The following SLC35F4 variants were observed in gnomAD, a reference collection of about 807,000 sequenced individuals.
SLC35F4 encodes chromosome 14 open reading frame 36.
Under a neutral mutation model 44.2 loss-of-function variants are expected in SLC35F4, and 24 were observed. The ratio of observed to expected loss-of-function variants is 0.54; its 90% CI spans 0.39 to 0.76. The LOEUF is 0.76. Ranked by LOEUF, SLC35F4 falls within the 30% of genes least tolerant of loss-of-function variation. SLC35F4 has a pLI of 0.00. For synonymous variants in SLC35F4, 238 were observed against 223.6 expected (o/e 1.06, Z -0.57); for missense variants, 562 against 586.1 (o/e 0.96, Z 0.42).
chr14:57,581,470 A>C, intron 3 of SLC35F4, 37 bp from the exon 4 acceptor site: 1 of 1,549,938 alleles, frequency 6.5e-7, no homozygotes, highest in East Asian at 2.3e-5. Flanking sequence ...CCAGGTACTG[A>C]TGGTGACACC....
intron 1 of SLC35F4, among the ~76,000 whole-genome samples, chr14:57,840,070 T>C (rs1395098871): frequency 6.6e-6 from 1 of 152,232 alleles, no homozygotes; most frequent in Non-Finnish European, 1.5e-5. Flanking sequence ...CCGTGCTTAA[T>C]GTTTTTTACA....
At chr14:57,667,463 T>G (rs1048656909) in intron 1 of SLC35F4, among the ~76,000 whole-genome samples, 27 of 150,944 alleles carry the variant, frequency 1.8e-4, no homozygotes, top group African/African-American at 5.6e-4. Flanking sequence ...TAGGTATATC[T>G]CCTAATGCTA....
intron 1 of SLC35F4, among the ~76,000 whole-genome samples, chr14:57,897,434 C>G (rs1888896049): frequency 6.6e-6 from 1 of 151,888 alleles, no homozygotes; most frequent in Non-Finnish European, 1.5e-5. Flanking sequence ...GGCAAGTACA[C>G]AAACCATCCT....
At chr14:57,670,902 C>CTTTTTTT (rs35951590) in intron 1 of SLC35F4, among the ~76,000 whole-genome samples, 18 of 107,338 alleles carry the variant, frequency 1.7e-4, no homozygotes, top group African/African-American at 2.5e-4. Context: ...CTCATTCATT[C>CTTTTTTT]TTTTTTTTTT....
At chr14:57,870,677 A>G (rs556973917), upstream of SLC35F4, among the ~76,000 whole-genome samples, 8 of 152,318 alleles carry the variant, frequency 5.3e-5, no homozygotes, top group African/African-American at 1.9e-4. Context: ...ACATATTAAA[A>G]TATTTTACGA....
chr14:57,640,817 T>C (rs2073196145), intron 1 of SLC35F4, among the ~76,000 whole-genome samples: 1 of 151,990 alleles, frequency 6.6e-6, no homozygotes, highest in South Asian at 2.1e-4. Context: ...AGAAAGCCAC[T>C]TGAGATGAGA....
intron 1 of SLC35F4, among the ~76,000 whole-genome samples, chr14:57,768,672 T>A (rs552044615): frequency 1.3e-5 from 2 of 152,178 alleles, no homozygotes; most frequent in Non-Finnish European, 2.9e-5. Flanking sequence ...AAATTATATA[T>A]GGAATGACAG....
At chr14:57,981,549 G>A (rs777272770) in intron 1 of SLC35F4, among the ~76,000 whole-genome samples, 3 of 152,092 alleles carry the variant, frequency 2.0e-5, no homozygotes, top group Non-Finnish European at 2.9e-5. Context: ...TCAAAATAAT[G>A]AAGTGGGATA....
intron 1 of SLC35F4, among the ~76,000 whole-genome samples, chr14:57,841,303 G>A (rs774397751): frequency 5.3e-5 from 8 of 152,136 alleles, no homozygotes; most frequent in Non-Finnish European, 1.2e-4. Flanking sequence ...GTAGAGACCA[G>A]GCAAAAGGGG....
chr14:57,927,371 C>A (rs1889598402), intron 1 of SLC35F4, among the ~76,000 whole-genome samples: 2 of 152,090 alleles, frequency 1.3e-5, no homozygotes, highest in Non-Finnish European at 2.9e-5. Context: ...GGTTTAGAGA[C>A]ACTTGATCTC....
chr14:57,821,878 T>C (rs1176946449), intron 1 of SLC35F4, among the ~76,000 whole-genome samples: 1 of 152,104 alleles, frequency 6.6e-6, no homozygotes, highest in Non-Finnish European at 1.5e-5. Flanking sequence ...TCCAGAACAG[T>C]TGGGAGAAGC....
At chr14:57,608,256 C>T (rs2071281707) in intron 1 of SLC35F4, among the ~76,000 whole-genome samples, 1 of 152,148 alleles carries the variant, frequency 6.6e-6, no homozygotes, top group Non-Finnish European at 1.5e-5. Flanking sequence ...ACCCTCAGTA[C>T]CTGAGCATGT....
chr14:57,963,693 A>C (rs1890380107), intron 1 of SLC35F4, among the ~76,000 whole-genome samples: 2 of 137,802 alleles, frequency 1.5e-5, no homozygotes, highest in South Asian at 2.5e-4. Context: ...CCCAACCCCC[A>C]GAACATTCAT....
intron 1 of SLC35F4, among the ~76,000 whole-genome samples, chr14:57,835,526 C>T (rs1301215791): frequency 3.3e-5 from 5 of 152,180 alleles, no homozygotes; most frequent in African/African-American, 9.7e-5. Context: ...TGCTCTTTCT[C>T]ATTGTCAGCA....
At chr14:57,874,571 A>C (rs1241508422) in intron 1 of SLC35F4, among the ~76,000 whole-genome samples, 1 of 152,200 alleles carries the variant, frequency 6.6e-6, no homozygotes, top group Middle Eastern at 3.2e-3. Flanking sequence ...AGAGGGCTAA[A>C]CAGATGGTTC....
intron 1 of SLC35F4, among the ~76,000 whole-genome samples, chr14:57,646,217 C>T (rs1289700449): frequency 6.6e-6 from 1 of 152,148 alleles, no homozygotes; most frequent in Non-Finnish European, 1.5e-5. Flanking sequence ...CCTCTTTGTA[C>T]CTCTGGTAGA....
At chr14:57,585,241 G>C (rs57139214) in intron 3 of SLC35F4, among the ~76,000 whole-genome samples, 2 of 151,866 alleles carry the variant, frequency 1.3e-5, no homozygotes, top group African/African-American at 4.8e-5. Context: ...GCCAAAAACC[G>C]CATGATTATC....
intron 1 of SLC35F4, among the ~76,000 whole-genome samples, chr14:57,954,004 T>A (rs185325861): frequency 2.0e-5 from 3 of 152,122 alleles, no homozygotes; most frequent in Non-Finnish European, 4.4e-5. Flanking sequence ...GCACTTATTC[T>A]AAAATTGACC....
chr14:57,745,677 G>A (rs1004815284), intron 1 of SLC35F4, among the ~76,000 whole-genome samples: 61 of 152,284 alleles, frequency 4.0e-4, no homozygotes, highest in African/African-American at 1.3e-3. Context: ...GCAGTGTGGC[G>A]ATTCCTCAAG....
Sources: allele counts gnomAD v4.1 joint callset (sites outside exome capture counted in the v4.1 genomes callset), GRCh38; gene constraint gnomAD v4.1.1; transcripts MANE v1.5; gene names NCBI Gene and HGNC (gene_info 2026-07-23, HGNC 2026-07-21).